Variants in ZNF618 observed in about 807,000 individuals in gnomAD.
The protein encoded by ZNF618 is neural precursor cell expressed, developmentally down-regulated 10.
A neutral mutation model predicts 103.0 loss-of-function variants in ZNF618; 34 were observed. The ratio of observed to expected loss-of-function variants is 0.33; its 90% CI spans 0.25 to 0.44. The LOEUF is 0.44. Among genes scored for constraint, ZNF618 ranks in the 20% least tolerant of loss-of-function variants. The pLI is 1.00. For synonymous variants in ZNF618, 551 were observed against 542.2 expected (o/e 1.02, Z -0.23); for missense variants, 1,059 against 1,295.4 (o/e 0.82, Z 2.80).
chr9:113,901,803 C>T (rs1230460540), intron 1 of ZNF618, among the ~76,000 whole-genome samples: 1 of 152,172 alleles, frequency 6.6e-6, no homozygotes, highest in Non-Finnish European at 1.5e-5. Flanking sequence ...CCCTAATCCT[C>T]TGAGTCTTTT....
chr9:113,924,578 T>C (rs1269407156), intron 1 of ZNF618, among the ~76,000 whole-genome samples: 1 of 151,704 alleles, frequency 6.6e-6, no homozygotes, highest in African/African-American at 2.4e-5. Flanking sequence ...TGATTTCTTC[T>C]GCTTGCCTTT....
At chr9:113,918,462 A>G (rs1832333733) in intron 1 of ZNF618, among the ~76,000 whole-genome samples, 1 of 152,214 alleles carries the variant, frequency 6.6e-6, no homozygotes, top group African/African-American at 2.4e-5. Context: ...TGCCTACAAC[A>G]GTGATAACTG....
At chr9:113,999,227 G>A (rs1356213469) in intron 4 of ZNF618, among the ~76,000 whole-genome samples, 3 of 151,382 alleles carry the variant, frequency 2.0e-5, no homozygotes, top group Non-Finnish European at 4.4e-5. Flanking sequence ...TAGGCTGTGC[G>A]AGGGGCAGGC....
In ZNF618 at chr9:114,050,349, CGTGT is replaced by C; in HGVS notation, c.*186_*189del. ...GTGTGCGTGTATGTACACAGCCACA[CGTGT>C]GTGCACGTGTCTGAACACGTGCTGT... is the stretch of plus-strand genomic sequence containing the variant. On this transcript the variant is annotated 3_prime_UTR_variant, in exon 15 of 15. Coordinates refer to ENST00000374126, the MANE Select transcript of ZNF618 (RefSeq NM_001318042.2). The C allele has an allele frequency of 1.5e-6, 1 of 653,814 alleles. No homozygotes were observed. The highest frequency in any genetic ancestry group is 2.5e-6 in the Non-Finnish European group (1 of 406,110). The allele number at this position is 653,814 out of a possible 1,614,324, so 40.5% of individuals were successfully genotyped here.
chr9:113,944,946 A>G (rs535208586), intron 1 of ZNF618, among the ~76,000 whole-genome samples: 4 of 152,166 alleles, frequency 2.6e-5, no homozygotes, highest in African/African-American at 9.7e-5. Context: ...GATGCACATA[A>G]AAAAGTGACA....
intron 2 of ZNF618, among the ~76,000 whole-genome samples, chr9:113,973,369 G>A (rs954181355): frequency 1.7e-4 from 26 of 152,108 alleles, no homozygotes; most frequent in East Asian, 5.8e-4. Flanking sequence ...TCATCCCAGC[G>A]CCTTCCTCTT....
intron 3 of ZNF618, among the ~76,000 whole-genome samples, chr9:113,994,436 G>A (rs989144090): frequency 6.6e-6 from 1 of 152,222 alleles, no homozygotes; most frequent in Non-Finnish European, 1.5e-5. Context: ...TCCCAGGCGC[G>A]TCCTGTCTCT....
chr9:113,990,365 C>G (rs1182186470), intron 3 of ZNF618, among the ~76,000 whole-genome samples: 1 of 152,178 alleles, frequency 6.6e-6, no homozygotes, highest in Non-Finnish European at 1.5e-5. Context: ...TCCATGTTCC[C>G]TGCTTCCACT....
intron 9 of ZNF618, among the ~76,000 whole-genome samples, chr9:114,013,111 G>A (rs1842391602): frequency 6.6e-6 from 1 of 152,212 alleles, no homozygotes; most frequent in Non-Finnish European, 1.5e-5. Flanking sequence ...TAATGGATAA[G>A]TGTTGAAGGG....
At chr9:113,942,020 A>G (rs1170756857) in intron 1 of ZNF618, among the ~76,000 whole-genome samples, 1 of 152,156 alleles carries the variant, frequency 6.6e-6, no homozygotes, top group Non-Finnish European at 1.5e-5. Context: ...TGCTGTTGGG[A>G]GACGAAATAG....
chr9:113,955,214 T>C (rs1190938341), intron 1 of ZNF618, among the ~76,000 whole-genome samples: 1 of 150,794 alleles, frequency 6.6e-6, no homozygotes, highest in Non-Finnish European at 1.5e-5. Context: ...TTAGAGAGTT[T>C]GACTGGCTGT....
At chr9:113,994,313 T>C (rs1050416085) in intron 3 of ZNF618, among the ~76,000 whole-genome samples, 2 of 152,210 alleles carry the variant, frequency 1.3e-5, no homozygotes, top group African/African-American at 4.8e-5. Context: ...TGCCAGCTGA[T>C]AGTTCGTTTC....
At position 114,050,337 on chromosome 9, in the gene ZNF618, TACACAGCCACAC is replaced by T; in HGVS notation, c.*171_*182del. 1.4e-6 allele frequency: 1 copy of T among 735,284 alleles called. No individual in the cohort carries two copies. The highest frequency in any genetic ancestry group is 2.1e-6 in the Non-Finnish European group (1 of 469,884). The allele number at this position is 735,284 out of a possible 1,614,324, so 45.5% of individuals were successfully genotyped here. On this transcript the variant is annotated 3_prime_UTR_variant, in exon 15 of 15. Transcript: ENST00000374126. ...TTATATGTGTGTGTGTGCGTGTATG[TACACAGCCACAC>T]GTGTGTGCACGTGTCTGAACACGTG...
At chr9:114,008,603 G>A (rs1434516245) in intron 9 of ZNF618, 49 bp downstream of exon 9, 1 of 1,604,674 alleles carries the variant, frequency 6.2e-7, no homozygotes, top group Admixed American at 1.7e-5. Flanking sequence ...GGCTGGCCAA[G>A]GGAGGCAGGG....
intron 10 of ZNF618, among the ~76,000 whole-genome samples, chr9:114,024,569 A>T (rs1040956132): frequency 6.6e-6 from 1 of 152,218 alleles, no homozygotes; most frequent in African/African-American, 2.4e-5. Context: ...AATAGTTCTT[A>T]TTCTGGGGTT....
chr9:114,013,337 A>G (rs933808505), intron 9 of ZNF618, among the ~76,000 whole-genome samples: 1 of 152,284 alleles, frequency 6.6e-6, no homozygotes, highest in Non-Finnish European at 1.5e-5. Flanking sequence ...AAAACAAGAT[A>G]AACTAGAAGT....
chr9:113,925,728 C>T (rs1221449577), intron 1 of ZNF618, among the ~76,000 whole-genome samples: 4 of 151,980 alleles, frequency 2.6e-5, no homozygotes, highest in African/African-American at 9.7e-5. Context: ...TAATCTGAGT[C>T]CACTTTCAAG....
At chr9:113,897,692 T>C (rs1274108612) in intron 1 of ZNF618, among the ~76,000 whole-genome samples, 1 of 152,222 alleles carries the variant, frequency 6.6e-6, no homozygotes, top group African/African-American at 2.4e-5. Context: ...TTTAGTTTTA[T>C]ATGTGTTTCC....
At chr9:114,015,929 C>T (rs1273457367) in intron 9 of ZNF618, among the ~76,000 whole-genome samples, 3 of 152,092 alleles carry the variant, frequency 2.0e-5, no homozygotes, top group Non-Finnish European at 4.4e-5. Flanking sequence ...CTCACAGGAG[C>T]CAGACAGGTG....
Sources: gnomAD v4.1 joint callset for allele counts (sites outside exome capture counted in the v4.1 genomes callset) on GRCh38, gnomAD v4.1.1 for gene constraint, MANE v1.5 for transcripts, NCBI Gene and HGNC (gene_info 2026-07-23, HGNC 2026-07-21) for gene names.